The following CA10 variants were observed in gnomAD, a reference collection of about 807,000 sequenced individuals.
CA10 encodes carbonic anhydrase 10 (inactive), also known as carbonic anhydrase-related protein 10.
CA10 carries 14 observed loss-of-function variants against 44.2 expected under a neutral mutation model. That is an observed-to-expected ratio of 0.32 (90% CI 0.21 to 0.50). The LOEUF is 0.50. Among genes scored for constraint, CA10 ranks in the 20% least tolerant of loss-of-function variants. The pLI is 0.99. For missense variants in CA10, 350 were observed against 409.7 expected (o/e 0.85, Z 1.26); for synonymous variants, 159 against 141.6 (o/e 1.12, Z -0.87).
At chr17:51,633,046 C>T (rs182680235) in intron 8 of CA10, among the ~76,000 whole-genome samples, 1 of 152,312 alleles carries the variant, frequency 6.6e-6, no homozygotes, top group East Asian at 1.9e-4. Context: ...ATGCTTTTCA[C>T]TGTCCTGTTC....
At chr17:51,818,964 A>G (rs1024473062) in intron 3 of CA10, among the ~76,000 whole-genome samples, 1 of 152,162 alleles carries the variant, frequency 6.6e-6, no homozygotes, top group African/African-American at 2.4e-5. Context: ...TGCCCAACAT[A>G]AGGCTCCCAC....
chr17:51,764,880 A>T (rs1335168597), intron 3 of CA10, among the ~76,000 whole-genome samples: 3 of 152,192 alleles, frequency 2.0e-5, no homozygotes, highest in African/African-American at 7.2e-5. Context: ...TAACATCCCC[A>T]TTCTCATTTC....
chr17:51,966,091 A>G (rs1389297314), intron 2 of CA10, among the ~76,000 whole-genome samples: 1 of 152,002 alleles, frequency 6.6e-6, no homozygotes, highest in Non-Finnish European at 1.5e-5. Context: ...GCTGAGAGCC[A>G]AATCAAGAAT....
At chr17:51,715,237 G>A (rs1214837849) in intron 4 of CA10, among the ~76,000 whole-genome samples, 2 of 151,812 alleles carry the variant, frequency 1.3e-5, no homozygotes, top group Non-Finnish European at 2.9e-5. Context: ...GTGGAGGGAG[G>A]GATAGCATTA....
chr17:51,770,728 G>A (rs1292262430), intron 3 of CA10, among the ~76,000 whole-genome samples: 2 of 152,052 alleles, frequency 1.3e-5, no homozygotes, highest in Non-Finnish European at 2.9e-5. Context: ...GGCCTCAGGG[G>A]GCCTTTATTC....
intron 2 of CA10, among the ~76,000 whole-genome samples, chr17:52,007,881 G>A (rs1985655567): frequency 6.6e-6 from 1 of 151,320 alleles, no homozygotes. Flanking sequence ...ATAGCTACTG[G>A]TTCGTTTTGG....
At chr17:52,067,697 G>A (rs553531067) in intron 2 of CA10, among the ~76,000 whole-genome samples, 5 of 152,328 alleles carry the variant, frequency 3.3e-5, no homozygotes, top group South Asian at 4.1e-4. Flanking sequence ...AAGCCACAGG[G>A]GCAGAGCTAC....
At chr17:51,951,200 G>A (rs1983468207) in intron 2 of CA10, among the ~76,000 whole-genome samples, 1 of 152,112 alleles carries the variant, frequency 6.6e-6, no homozygotes, top group East Asian at 1.9e-4. Flanking sequence ...CATAATGAAA[G>A]CTCCAACAGA....
chr17:52,128,627 T>C (rs529059848), intron 1 of CA10, among the ~76,000 whole-genome samples: 65 of 152,320 alleles, frequency 4.3e-4, no homozygotes, highest in Middle Eastern at 6.8e-3. Flanking sequence ...GATGTCTTCA[T>C]GTGAGTTAAT....
intron 2 of CA10, among the ~76,000 whole-genome samples, chr17:52,007,008 T>A (rs1478803539): frequency 2.0e-5 from 3 of 151,738 alleles, no homozygotes; most frequent in African/African-American, 7.2e-5. Flanking sequence ...AGTTAGAGGT[T>A]CCTTGTAGTC....
At chr17:52,095,347 T>C (rs564530545) in intron 1 of CA10, among the ~76,000 whole-genome samples, 1 of 152,204 alleles carries the variant, frequency 6.6e-6, no homozygotes, top group Admixed American at 6.5e-5. Context: ...TGGGAAGGGA[T>C]GGGGGTGAAC....
At chr17:51,854,853 G>A (rs116968347) in intron 3 of CA10, among the ~76,000 whole-genome samples, 2 of 152,258 alleles carry the variant, frequency 1.3e-5, no homozygotes, top group South Asian at 2.1e-4. Context: ...TTGGGTCTGG[G>A]TCCCAGTGCT....
At chr17:51,706,476 T>G (rs1012803334) in intron 4 of CA10, among the ~76,000 whole-genome samples, 2 of 152,258 alleles carry the variant, frequency 1.3e-5, no homozygotes, top group African/African-American at 2.4e-5. Flanking sequence ...TCTCTCCTTT[T>G]GCTGCCACTG....
At chr17:51,850,550 A>G (rs1052037038) in intron 3 of CA10, among the ~76,000 whole-genome samples, 1 of 152,090 alleles carries the variant, frequency 6.6e-6, no homozygotes, top group Non-Finnish European at 1.5e-5. Context: ...TCATTCTCTC[A>G]CTTCAGCCTC....
At chr17:51,878,427 T>G (rs1233444353) in intron 3 of CA10, among the ~76,000 whole-genome samples, 1 of 152,088 alleles carries the variant, frequency 6.6e-6, no homozygotes, top group Non-Finnish European at 1.5e-5. Context: ...CCCAGCTATT[T>G]AGAGATGTGA....
chr17:51,828,488 C>T (rs1908115344), intron 3 of CA10, among the ~76,000 whole-genome samples: 1 of 152,074 alleles, frequency 6.6e-6, no homozygotes, highest in South Asian at 2.1e-4. Flanking sequence ...TGTCCCTACT[C>T]TTAATGTTTT....
At chr17:52,140,001 C>G (rs1989442503) in intron 1 of CA10, among the ~76,000 whole-genome samples, 1 of 152,290 alleles carries the variant, frequency 6.6e-6, no homozygotes, top group East Asian at 1.9e-4. Context: ...AACACGGTCT[C>G]TAGTGATCTG....
chr17:51,975,454 A>G (rs203054), intron 2 of CA10, among the ~76,000 whole-genome samples: 133,222 of 152,212 alleles, frequency 0.88, 58,337 homozygotes, highest in East Asian at 0.95. Flanking sequence ...CAAGGCAGGC[A>G]AATCACCTGA....
At chr17:52,009,388 T>C (rs1171574100) in intron 2 of CA10, among the ~76,000 whole-genome samples, 1 of 151,986 alleles carries the variant, frequency 6.6e-6, no homozygotes, top group Non-Finnish European at 1.5e-5. Context: ...GAAATGATCA[T>C]GTTTGAATTT....
Sources: allele counts gnomAD v4.1 joint callset (sites outside exome capture counted in the v4.1 genomes callset), GRCh38; gene constraint gnomAD v4.1.1; transcripts MANE v1.5; gene names NCBI Gene and HGNC (gene_info 2026-07-23, HGNC 2026-07-21).